Variants in RBFOX1 observed in about 807,000 individuals in gnomAD.
RBFOX1 encodes RNA binding fox-1 homolog 1.
In RBFOX1, 8 loss-of-function variants were observed where a neutral mutation model predicts 57.7. The observed-to-expected ratio is 0.14, with a 90% confidence interval of 0.08 to 0.25. The LOEUF is 0.25. Ranked by LOEUF, RBFOX1 falls within the 10% of genes least tolerant of loss-of-function variation. RBFOX1 has a pLI of 1.00. For synonymous variants in RBFOX1, 326 were observed against 222.4 expected (o/e 1.47, Z -4.15); for missense variants, 611 against 548.5 (o/e 1.11, Z -1.14).
chr16:7,566,484 G>A (rs141893116), intron 5 of RBFOX1, among the ~76,000 whole-genome samples: 457 of 152,244 alleles, frequency 3.0e-3, no homozygotes, highest in African/African-American at 8.2e-3. Flanking sequence ...TTTAGGATAC[G>A]GAATTAGATA....
At chr16:5,612,431 C>G (rs951194258) in intron 3 of RBFOX1, among the ~76,000 whole-genome samples, 24 of 151,312 alleles carry the variant, frequency 1.6e-4, no homozygotes, top group African/African-American at 5.8e-4. Flanking sequence ...ACACTAGGAC[C>G]CCCCCTCTGT....
intron 2 of RBFOX1, among the ~76,000 whole-genome samples, chr16:5,580,246 G>A (rs1441799474): frequency 6.6e-6 from 1 of 152,222 alleles, no homozygotes; most frequent in East Asian, 1.9e-4. Context: ...GAGCCAGTGA[G>A]GGCAGCCTGG....
chr16:5,967,002 G>GGAGT (rs1555458327), intron 4 of RBFOX1, among the ~76,000 whole-genome samples: 1 of 103,760 alleles, frequency 9.6e-6, no homozygotes, highest in Non-Finnish European at 2.1e-5. Flanking sequence ...GGGGGGGGGG[G>GGAGT]GGTCAATAAA....
intron 3 of RBFOX1, among the ~76,000 whole-genome samples, chr16:5,781,010 C>T (rs1234480570): frequency 6.6e-6 from 1 of 152,224 alleles, no homozygotes; most frequent in Admixed American, 6.5e-5. Context: ...TATGATAAAA[C>T]AGGTTAGAAC....
intron 3 of RBFOX1, chr16:6,705,275 GC>G (rs2154145581): frequency 6.6e-6 from 1 of 152,246 alleles, no homozygotes; most frequent in East Asian, 1.9e-4. Context: ...AACATACTGG[GC>G]AAAGGTTTCT....
At chr16:7,109,086 G>T (rs912021434) in intron 4 of RBFOX1, among the ~76,000 whole-genome samples, 1 of 152,168 alleles carries the variant, frequency 6.6e-6, no homozygotes, top group African/African-American at 2.4e-5. Flanking sequence ...ATGAGCAGGG[G>T]AGTGAGGATG....
At chr16:6,871,298 G>T (rs1257338113) in intron 3 of RBFOX1, among the ~76,000 whole-genome samples, 2 of 152,124 alleles carry the variant, frequency 1.3e-5, no homozygotes, top group Non-Finnish European at 2.9e-5. Context: ...TGATTTTCCT[G>T]CATCAACTTC....
At chr16:7,125,102 C>T (rs1187252980) in intron 4 of RBFOX1, among the ~76,000 whole-genome samples, 1 of 152,032 alleles carries the variant, frequency 6.6e-6, no homozygotes, top group Admixed American at 6.6e-5. Flanking sequence ...AAAGAAAAGC[C>T]AAAATGACAA....
chr16:7,063,496 C>G (rs949239010), intron 4 of RBFOX1, among the ~76,000 whole-genome samples: 1 of 152,108 alleles, frequency 6.6e-6, no homozygotes, highest in Non-Finnish European at 1.5e-5. Context: ...TACCCCAGAC[C>G]TACTGGATCA....
intron 3 of RBFOX1, among the ~76,000 whole-genome samples, chr16:5,655,580 A>T (rs1026362706): frequency 6.6e-6 from 1 of 152,148 alleles, no homozygotes; most frequent in Admixed American, 6.5e-5. Context: ...TGCAAAGGGA[A>T]TGATTGGGTG....
At chr16:7,458,110 C>T (rs574563784) in intron 4 of RBFOX1, among the ~76,000 whole-genome samples, 74 of 152,254 alleles carry the variant, frequency 4.9e-4, no homozygotes, top group Middle Eastern at 6.8e-3. Context: ...TGTTCTTTGC[C>T]GTATTCCAGT....
intron 1 of RBFOX1, among the ~76,000 whole-genome samples, chr16:6,206,569 A>G (rs1218169424): frequency 6.6e-6 from 1 of 152,162 alleles, no homozygotes; most frequent in South Asian, 2.1e-4. Context: ...TTAAATGTTC[A>G]ATGTTTGTTG....
At chr16:6,731,158 A>T (rs1469597232) in intron 3 of RBFOX1, among the ~76,000 whole-genome samples, 1 of 152,206 alleles carries the variant, frequency 6.6e-6, no homozygotes, top group African/African-American at 2.4e-5. Flanking sequence ...TGCTGAGGAC[A>T]GCTAGAATTA....
At chr16:7,141,907 T>A (rs1489941031) in intron 4 of RBFOX1, among the ~76,000 whole-genome samples, 1 of 152,190 alleles carries the variant, frequency 6.6e-6, no homozygotes, top group Non-Finnish European at 1.5e-5. Context: ...AATTCATAAA[T>A]CTGTCATGTC....
chr16:5,272,010 T>C (rs544202146), intron 1 of RBFOX1, among the ~76,000 whole-genome samples: 1 of 152,330 alleles, frequency 6.6e-6, no homozygotes, highest in South Asian at 2.1e-4. Flanking sequence ...TGATGGACAC[T>C]TAGGTTGATT....
intron 4 of RBFOX1, among the ~76,000 whole-genome samples, chr16:7,090,494 T>C (rs917611212): frequency 6.6e-6 from 1 of 152,190 alleles, no homozygotes; most frequent in African/African-American, 2.4e-5. Flanking sequence ...TTAAAAATAG[T>C]GTGGCCCCAT....
intron 3 of RBFOX1, among the ~76,000 whole-genome samples, chr16:6,919,309 C>CG (rs1286601402): frequency 6.6e-6 from 1 of 152,110 alleles, no homozygotes; most frequent in Non-Finnish European, 1.5e-5. Context: ...GTTTCTTGAC[C>CG]AATTCCTATT....
chr16:6,149,382 TAGG>T (rs2096781954), intron 1 of RBFOX1, among the ~76,000 whole-genome samples: 1 of 152,234 alleles, frequency 6.6e-6, no homozygotes, highest in Non-Finnish European at 1.5e-5. Flanking sequence ...GAAGTTTTGC[TAGG>T]AGGATTCATT....
intron 3 of RBFOX1, among the ~76,000 whole-genome samples, chr16:6,991,668 C>G (rs976177852): frequency 6.6e-6 from 1 of 152,122 alleles, no homozygotes; most frequent in African/African-American, 2.4e-5. Context: ...GTCCAAGTAG[C>G]TGGGACCACA....
Sources: gnomAD v4.1 joint callset for allele counts (sites outside exome capture counted in the v4.1 genomes callset) on GRCh38, gnomAD v4.1.1 for gene constraint, MANE v1.5 for transcripts, NCBI Gene and HGNC (gene_info 2026-07-23, HGNC 2026-07-21) for gene names.